EPC2: variants seen among roughly 807,000 people sequenced by gnomAD.
EPC2 encodes enhancer of polycomb 2, also known as enhancer of polycomb homolog 2.
A neutral mutation model predicts 92.1 loss-of-function variants in EPC2; 14 were observed. That is an observed-to-expected ratio of 0.15 (90% CI 0.10 to 0.24). The LOEUF (loss-of-function observed/expected upper bound fraction) is 0.24. Ranked by LOEUF, EPC2 falls within the 10% of genes least tolerant of loss-of-function variation. The probability of loss-of-function intolerance (pLI) is 1.00; values close to 1 mark genes in which losing one functional copy is unlikely to be tolerated. For synonymous variants in EPC2, 340 were observed against 334.7 expected, an observed-to-expected ratio of 1.02 and a Z score of -0.17; for missense variants, 755 against 971.5, an observed-to-expected ratio of 0.78 and a Z score of 2.96.
At chr2:148,716,780 CT>C (rs1682270822) in intron 2 of EPC2, among the ~76,000 whole-genome samples, 1 of 152,098 alleles carries the variant, frequency 6.6e-6, no homozygotes, top group South Asian at 2.1e-4. Context: ...GGAGTCCCTC[CT>C]TTTCAATTTT....
chr2:148,730,663 C>G (rs541739269), intron 2 of EPC2, among the ~76,000 whole-genome samples: 7 of 152,222 alleles, frequency 4.6e-5, no homozygotes, highest in African/African-American at 1.7e-4. Flanking sequence ...ATACTTACAT[C>G]AAGGAGGGGC....
intron 1 of EPC2, among the ~76,000 whole-genome samples, chr2:148,677,994 G>C (rs2105364597): frequency 6.6e-6 from 1 of 152,258 alleles, no homozygotes; most frequent in East Asian, 1.9e-4. Context: ...GACCCGAGCG[G>C]GTTGCCACTG....
intron 7 of EPC2, among the ~76,000 whole-genome samples, chr2:148,766,468 C>T (rs1211676273): frequency 6.6e-6 from 1 of 152,110 alleles, no homozygotes; most frequent in Admixed American, 6.5e-5. Flanking sequence ...ACTTAATGAA[C>T]CCATATATTA....
At chr2:148,707,605 A>G (rs1311077072) in intron 2 of EPC2, among the ~76,000 whole-genome samples, 4 of 152,200 alleles carry the variant, frequency 2.6e-5, no homozygotes, top group African/African-American at 7.2e-5. Flanking sequence ...GAAGTAAAGC[A>G]TTCCTCAGCA....
intron 3 of EPC2, among the ~76,000 whole-genome samples, chr2:148,747,309 CT>C (rs1441575900): frequency 6.6e-6 from 1 of 152,058 alleles, no homozygotes; most frequent in Non-Finnish European, 1.5e-5. Context: ...TCCATACTAC[CT>C]TTTACTCCTG....
In EPC2 at chr2:148,784,894, A is replaced by G. The variant is rs1419567886; in HGVS notation, c.2244A>G (p.Thr748=). The G allele has an allele frequency of 7.5e-6, 12 of 1,607,350 alleles. No homozygotes were observed. Among genetic ancestry groups the G allele is most frequent in the Non-Finnish European group, 8.5e-7 (1 of 1,176,446 alleles). Residue 748 remains threonine (T), a synonymous_variant, in exon 13 of 14, where the codon ACA becomes ACG. Transcript: ENST00000258484. ...CTCCAGTCAATGTGCATATCAATAC[A>G]CGGACTTCAGCACCATCGCCAACAG... ...VVSPVNVHIN[T]RTSAPSPTAL...
rs760356407 is a variant in EPC2, at chr2:148,771,177, A to G, written c.1510A>G (p.Ser504Gly). ...TAATTTCTCTCGGACCAATGCTTCC[A>G]GTAAACATTGTGAAAATAGACTGTC... ...SSNFSRTNAS[S>G]KHCENRLSLS... Residue 504 changes from serine to glycine, a missense_variant, in exon 10 of 14, where the codon AGT becomes GGT. Around this residue, in one of 4 missense-constraint regions of EPC2, gnomAD observed 509 missense variants for 607.7 expected, o/e 0.84. Coordinates refer to ENST00000258484, the MANE Select transcript of EPC2 (RefSeq NM_015630.4). 1.2e-6 allele frequency: 2 copies of G among 1,613,988 alleles called. No homozygotes were observed. Among genetic ancestry groups the G allele is most frequent in the Non-Finnish European group, 1.7e-6 (2 of 1,179,850 alleles).
chr2:148,727,882 C>T (rs1181995093), intron 2 of EPC2, among the ~76,000 whole-genome samples: 1 of 152,024 alleles, frequency 6.6e-6, no homozygotes, highest in Non-Finnish European at 1.5e-5. Context: ...AATAAACTCA[C>T]TTCTGTACAC....
intron 1 of EPC2, among the ~76,000 whole-genome samples, chr2:148,667,137 C>G (rs79546231): frequency 0.032 from 4,886 of 152,188 alleles, 255 homozygotes; most frequent in African/African-American, 0.11. Flanking sequence ...TTTTAAGATA[C>G]CAGTAGGATG....
At chr2:148,717,931 G>C (rs763335979) in intron 2 of EPC2, among the ~76,000 whole-genome samples, 5 of 152,202 alleles carry the variant, frequency 3.3e-5, no homozygotes, top group Non-Finnish European at 5.9e-5. Flanking sequence ...GGGTGCTCCA[G>C]TATTGGGCAC....
At chr2:148,701,137 G>C (rs74443437) in intron 2 of EPC2, among the ~76,000 whole-genome samples, 5 of 152,118 alleles carry the variant, frequency 3.3e-5, no homozygotes, top group African/African-American at 1.2e-4. Flanking sequence ...GACTTACTAT[G>C]CTCTAATTAG....
intron 10 of EPC2, among the ~76,000 whole-genome samples, chr2:148,775,873 G>T (rs1442430930): frequency 6.0e-5 from 9 of 149,292 alleles, no homozygotes; most frequent in African/African-American, 2.2e-4. Flanking sequence ...TGCCTCCCGG[G>T]TTCACGCCAT....
At chr2:148,752,736 C>T (rs934692965) in intron 3 of EPC2, among the ~76,000 whole-genome samples, 4 of 152,138 alleles carry the variant, frequency 2.6e-5, no homozygotes, top group Non-Finnish European at 4.4e-5. Flanking sequence ...TAGAAATAAT[C>T]ATCATAGGAC....
chr2:148,682,119 C>CA (rs1269473261), intron 1 of EPC2, among the ~76,000 whole-genome samples: 1 of 152,196 alleles, frequency 6.6e-6, no homozygotes, highest in African/African-American at 2.4e-5. Flanking sequence ...TCCAGTCTGT[C>CA]ATTCATGGAC....
chr2:148,746,105 G>A (rs1292792756), intron 3 of EPC2, among the ~76,000 whole-genome samples: 1 of 151,776 alleles, frequency 6.6e-6, no homozygotes, highest in Admixed American at 6.6e-5. Context: ...TTCAACTCCT[G>A]TAAACATCAG....
intron 2 of EPC2, among the ~76,000 whole-genome samples, chr2:148,727,146 A>T (rs1188465016): frequency 6.6e-6 from 1 of 152,186 alleles, no homozygotes; most frequent in African/African-American, 2.4e-5. Flanking sequence ...ATTATTTTGC[A>T]TGTGAATATT....
intron 5 of EPC2, chr2:148,762,131 G>A: frequency 2.5e-6 from 1 of 407,552 alleles, no homozygotes; most frequent in Non-Finnish European, 4.3e-6. Context: ...TTTTGGGAGA[G>A]TTTTGTGTAT....
intron 4 of EPC2, among the ~76,000 whole-genome samples, chr2:148,756,449 A>T (rs1289158536): frequency 6.6e-6 from 1 of 152,242 alleles, no homozygotes; most frequent in Non-Finnish European, 1.5e-5. Context: ...GAATACAACT[A>T]ACAAAGGCTC....
At chr2:148,740,062 C>G (rs944116429) in intron 2 of EPC2, among the ~76,000 whole-genome samples, 1 of 151,528 alleles carries the variant, frequency 6.6e-6, no homozygotes, top group Non-Finnish European at 1.5e-5. Context: ...TGAAACTAAC[C>G]CACTATTTGT....
Sources: allele counts gnomAD v4.1 joint callset (sites outside exome capture counted in the v4.1 genomes callset), GRCh38; gene constraint gnomAD v4.1.1; regional missense constraint gnomAD v4.1.1; transcripts MANE v1.5; gene names NCBI Gene and HGNC (gene_info 2026-07-23, HGNC 2026-07-21).